The following SHC4 variants were observed in gnomAD, a reference collection of about 807,000 sequenced individuals.
The protein encoded by SHC4 is SHC adaptor protein 4.
Under a neutral mutation model 69.4 loss-of-function variants are expected in SHC4, and 41 were observed. The ratio of observed to expected loss-of-function variants is 0.59; its 90% CI spans 0.46 to 0.77. The LOEUF (loss-of-function observed/expected upper bound fraction) is 0.77. Ranked by LOEUF, SHC4 falls within the 30% of genes least tolerant of loss-of-function variation. The pLI, the probability that SHC4 is intolerant of heterozygous loss-of-function variation, is 0.00. For synonymous variants in SHC4, 318 were observed against 299.3 expected (o/e 1.06, Z -0.64); for missense variants, 777 against 783.8 (o/e 0.99, Z 0.10).
chr15:48,923,667 G>C (rs1900793910), intron 2 of SHC4, among the ~76,000 whole-genome samples: 1 of 142,432 alleles, frequency 7.0e-6, no homozygotes, highest in South Asian at 2.2e-4. Flanking sequence ...TATGAGTCAG[G>C]GTCTTGCTGT....
chr15:48,877,973 G>A, intron 4 of SHC4: 1 of 544,478 alleles, frequency 1.8e-6, no homozygotes, highest in Non-Finnish European at 3.1e-6. Flanking sequence ...TGGAAACGTA[G>A]CTCAAAAGGC....
rs573029855 is a variant in SHC4, at chr15:48,876,483, A to G, written c.841-4341T>C. 51 of 459,444 alleles carry G rather than the reference A, an allele frequency of 1.1e-4. No individual in the cohort carries two copies. In the South Asian group the frequency reaches 2.4e-3, roughly 22 times the overall value. The allele number at this position is 459,444 out of a possible 1,614,324, so 28.5% of individuals were successfully genotyped here. ...CACACACACACGTATATACACATACACACATACATATACACATATATATGT... is the reference window on the plus strand; with the variant it reads ...CACACACACACGTATATACACATACGCACATACATATACACATATATATGT... On this transcript the variant is annotated intron_variant, in intron 4 of 11. Coordinates refer to ENST00000332408, the MANE Select transcript of SHC4 (RefSeq NM_203349.4).
chr15:48,846,806 C>T (rs1158486648), intron 9 of SHC4, among the ~76,000 whole-genome samples: 1 of 152,170 alleles, frequency 6.6e-6, no homozygotes, highest in African/African-American at 2.4e-5. Flanking sequence ...TTTAACCCCA[C>T]CACGTTTTGA....
At chr15:48,957,227 C>T (rs535645683) in intron 1 of SHC4, among the ~76,000 whole-genome samples, 1 of 152,200 alleles carries the variant, frequency 6.6e-6, no homozygotes, top group Admixed American at 6.5e-5. Flanking sequence ...ATATGCGTGC[C>T]TCAGCCTCCC....
chr15:48,869,597 T>C (rs1234461066), intron 5 of SHC4, among the ~76,000 whole-genome samples: 2 of 152,336 alleles, frequency 1.3e-5, no homozygotes, highest in East Asian at 3.9e-4. Context: ...GCAATAGGGA[T>C]TATCCTCCAT....
intron 2 of SHC4, among the ~76,000 whole-genome samples, chr15:48,893,898 A>G (rs141244621): frequency 7.2e-5 from 11 of 152,304 alleles, no homozygotes; most frequent in African/African-American, 2.6e-4. Flanking sequence ...CCAGGAGTTC[A>G]AGGCTGCAGT....
intron 6 of SHC4, among the ~76,000 whole-genome samples, chr15:48,860,010 A>G (rs982470137): frequency 6.6e-6 from 1 of 152,082 alleles, no homozygotes; most frequent in African/African-American, 2.4e-5. Context: ...TAGCCACTGC[A>G]CCCCAGCCTA....
At chr15:48,956,970 C>CTTTTTTT (rs1234585427) in intron 1 of SHC4, among the ~76,000 whole-genome samples, 18 of 70,174 alleles carry the variant, frequency 2.6e-4, no homozygotes, top group East Asian at 4.9e-4. Flanking sequence ...TTCTTTCTTT[C>CTTTTTTT]TTTCTTTTTT....
At chr15:48,873,147 C>G (rs1352744834) in intron 4 of SHC4, among the ~76,000 whole-genome samples, 1 of 152,032 alleles carries the variant, frequency 6.6e-6, no homozygotes, top group Non-Finnish European at 1.5e-5. Flanking sequence ...TACTATATAG[C>G]AGCAACATGT....
chr15:48,827,801 T>A (rs564619162), intron 11 of SHC4, among the ~76,000 whole-genome samples: 2 of 152,158 alleles, frequency 1.3e-5, no homozygotes, highest in Admixed American at 1.3e-4. Context: ...AGAGTTCCTA[T>A]AAAACTCTGG....
chr15:48,878,607 A>G (rs1899876343), intron 4 of SHC4: 1 of 1,614,082 alleles, frequency 6.2e-7, no homozygotes, highest in Non-Finnish European at 8.5e-7. Context: ...CCAGCCCTGG[A>G]TGGCGGGTTT....
At chr15:48,923,112 C>T (rs1007662) in intron 2 of SHC4, among the ~76,000 whole-genome samples, 42,235 of 152,056 alleles carry the variant, frequency 0.28, 5,977 homozygotes, top group East Asian at 0.28. Context: ...CAAGGATAGA[C>T]TGAGAGAGGT....
intron 1 of SHC4, among the ~76,000 whole-genome samples, chr15:48,935,501 T>C (rs545458953): frequency 3.9e-4 from 60 of 152,296 alleles, no homozygotes; most frequent in African/African-American, 1.3e-3. Context: ...GTTCAGGAAG[T>C]CTCAAAATAA....
At chr15:48,847,698 C>T (rs1899118448) in intron 9 of SHC4, among the ~76,000 whole-genome samples, 1 of 152,168 alleles carries the variant, frequency 6.6e-6, no homozygotes, top group African/African-American at 2.4e-5. Flanking sequence ...TTTCGGATTA[C>T]TTTAAAAACA....
intron 9 of SHC4, among the ~76,000 whole-genome samples, chr15:48,847,926 C>T (rs552836386): frequency 1.3e-5 from 2 of 149,968 alleles, no homozygotes; most frequent in Non-Finnish European, 3.0e-5. Flanking sequence ...CGCTTGAACC[C>T]GGGAGGCAGA....
At chr15:48,835,959 C>G (rs1482117436) in intron 10 of SHC4, among the ~76,000 whole-genome samples, 1 of 149,082 alleles carries the variant, frequency 6.7e-6, no homozygotes, top group Non-Finnish European at 1.5e-5. Flanking sequence ...AGGTGGATTA[C>G]CTGAGCTCAG....
At chr15:48,876,672 A>C in intron 4 of SHC4, 2 of 638,452 alleles carry the variant, frequency 3.1e-6, no homozygotes, top group Non-Finnish European at 2.8e-6. Flanking sequence ...ACACAGGAGA[A>C]AGATTTAGGC....
intron 9 of SHC4, among the ~76,000 whole-genome samples, chr15:48,850,599 A>G (rs1157552205): frequency 1.3e-5 from 2 of 152,238 alleles, no homozygotes; most frequent in African/African-American, 4.8e-5. Flanking sequence ...AAAATGACTA[A>G]CTCACAATAT....
intron 2 of SHC4, among the ~76,000 whole-genome samples, chr15:48,896,662 C>T (rs989132529): frequency 3.3e-5 from 5 of 152,122 alleles, no homozygotes; most frequent in African/African-American, 9.7e-5. Context: ...CCACTCCTCA[C>T]CCCAAAGCTC....
Sources: gnomAD v4.1 joint callset for allele counts (sites outside exome capture counted in the v4.1 genomes callset) on GRCh38, gnomAD v4.1.1 for gene constraint, MANE v1.5 for transcripts, NCBI Gene and HGNC (gene_info 2026-07-23, HGNC 2026-07-21) for gene names.